SH3GL2: variants seen among roughly 807,000 people sequenced by gnomAD.
SH3GL2 encodes SH3 domain containing GRB2 like 2, endophilin A1.
In SH3GL2, 24 loss-of-function variants were observed where a neutral mutation model predicts 46.0. The observed-to-expected ratio is 0.52, with a 90% CI of 0.38 to 0.73. The LOEUF (loss-of-function observed/expected upper bound fraction) is 0.73, where lower values mean the gene tolerates loss of function less well. Ranked by LOEUF, SH3GL2 falls within the 30% of genes least tolerant of loss-of-function variation. The pLI is 0.00. For synonymous variants in SH3GL2, 196 were observed against 147.1 expected, an observed-to-expected ratio of 1.33 and a Z score of -2.40; for missense variants, 413 against 424.2, an observed-to-expected ratio of 0.97 and a Z score of 0.23.
intron 1 of SH3GL2, among the ~76,000 whole-genome samples, chr9:17,631,341 C>T (rs1588188953): frequency 6.6e-6 from 1 of 152,068 alleles, no homozygotes; most frequent in South Asian, 2.1e-4. Flanking sequence ...AAATAAAAAC[C>T]ACAGTGTAGT....
In SH3GL2 at chr9:17,783,769, G is replaced by T. The variant is rs114537324; in HGVS notation, c.188-2612G>T. On this transcript the variant is annotated intron_variant, in intron 3 of 8. Coordinates refer to ENST00000380607, the MANE Select transcript of SH3GL2 (RefSeq NM_003026.5). The stretch of plus-strand genomic sequence containing the variant: ...ATTCACCCAATACATTTCCTTCTGG[G>T]AATCACCTAGAAGTAGATTCATGGG... 9.2e-3 allele frequency among the ~76,000 whole-genome samples: 1,404 copies of T among 152,156 alleles called. 18 individuals carry two copies. Among genetic ancestry groups the T allele is most frequent in the African/African-American group, 0.032 (1,344 of 41,504 alleles).
intron 2 of SH3GL2, chr9:17,755,662 G>A: frequency 3.5e-6 from 1 of 287,856 alleles, no homozygotes; most frequent in Non-Finnish European, 5.2e-6. Context: ...CCTTTAAGGT[G>A]TCTATGTTTT....
At position 17,597,696 on chromosome 9, in the gene SH3GL2, AGTTT is replaced by A. The variant is rs1223779497; in HGVS notation, c.45+18415_45+18418del. Among the ~76,000 whole-genome samples, 30 of 152,004 alleles carry A rather than the reference AGTTT, an allele frequency of 2.0e-4. 1 individual carries two copies. The highest frequency in any genetic ancestry group is 2.1e-4 in the South Asian group (1 of 4,824). On this transcript the variant is annotated intron_variant, in intron 1 of 8. Coordinates refer to ENST00000380607, the MANE Select transcript of SH3GL2 (RefSeq NM_003026.5). ...CACAACTTGTAGAAAGTGAGGTGTG[AGTTT>A]GTTTGATTTATATGTTTTTCTTATC...
intron 1 of SH3GL2, among the ~76,000 whole-genome samples, chr9:17,599,719 A>G (rs963552146): frequency 6.6e-6 from 1 of 152,282 alleles, no homozygotes; most frequent in African/African-American, 2.4e-5. Context: ...GCATGAACCC[A>G]TATGTAAAAT....
intron 1 of SH3GL2, among the ~76,000 whole-genome samples, chr9:17,735,397 C>T (rs1415901993): frequency 2.6e-5 from 4 of 152,046 alleles, no homozygotes; most frequent in Non-Finnish European, 5.9e-5. Context: ...TAAAATGCTC[C>T]CTATATATTT....
intron 1 of SH3GL2, among the ~76,000 whole-genome samples, chr9:17,742,239 G>A (rs1356333838): frequency 6.6e-6 from 1 of 152,166 alleles, no homozygotes; most frequent in Non-Finnish European, 1.5e-5. Flanking sequence ...ATGCTGGGAA[G>A]AATCAGAGCC....
chr9:17,782,693 C>T (rs1214185690), intron 3 of SH3GL2, among the ~76,000 whole-genome samples: 2 of 152,068 alleles, frequency 1.3e-5, no homozygotes, highest in African/African-American at 4.8e-5. Context: ...AGTGGGCGGT[C>T]ATGGTACTTC....
chr9:17,639,477 G>A (rs980085972), intron 1 of SH3GL2, among the ~76,000 whole-genome samples: 2 of 152,168 alleles, frequency 1.3e-5, no homozygotes, highest in Non-Finnish European at 2.9e-5. Flanking sequence ...GCCACAATGC[G>A]ATACAACTGT....
At chr9:17,590,689 A>G (rs749143913) in intron 1 of SH3GL2, 6 of 152,252 alleles carry the variant, frequency 3.9e-5, no homozygotes, top group Non-Finnish European at 7.3e-5. Flanking sequence ...CCTAGCTCCA[A>G]GAAAAGCTGG....
At chr9:17,651,539 TA>T (rs1249914510) in intron 1 of SH3GL2, among the ~76,000 whole-genome samples, 1 of 152,226 alleles carries the variant, frequency 6.6e-6, no homozygotes, top group African/African-American at 2.4e-5. Context: ...ATATTGGTTT[TA>T]TATTTGACAG....
chr9:17,633,249 G>C (rs924219765), intron 1 of SH3GL2, among the ~76,000 whole-genome samples: 2 of 152,148 alleles, frequency 1.3e-5, no homozygotes, highest in Admixed American at 6.5e-5. Flanking sequence ...TGATGAGTGT[G>C]GGTACCTGCC....
At chr9:17,637,995 A>C (rs541459375) in intron 1 of SH3GL2, among the ~76,000 whole-genome samples, 7 of 152,116 alleles carry the variant, frequency 4.6e-5, no homozygotes, top group African/African-American at 1.4e-4. Context: ...TCTCTACTAA[A>C]AATACAGAAA....
chr9:17,779,687 G>C, intron 3 of SH3GL2, among the ~76,000 whole-genome samples: 1 of 152,042 alleles, frequency 6.6e-6, no homozygotes, highest in East Asian at 1.9e-4. Context: ...TCTTCATTTG[G>C]GGGCAATTAT....
chr9:17,676,344 G>A (rs1332520201), intron 1 of SH3GL2, among the ~76,000 whole-genome samples: 1 of 152,124 alleles, frequency 6.6e-6, no homozygotes, highest in Non-Finnish European at 1.5e-5. Flanking sequence ...GGTGGCTCAC[G>A]CATGTAATCC....
At chr9:17,730,875 A>G (rs548027502) in intron 1 of SH3GL2, among the ~76,000 whole-genome samples, 1 of 152,268 alleles carries the variant, frequency 6.6e-6, no homozygotes, top group South Asian at 2.1e-4. Context: ...GAAGATTTCA[A>G]TATGCTGTGT....
At chr9:17,789,357 C>G (rs767973325) in intron 5 of SH3GL2, 35 bp from the exon 6 acceptor site, 6 of 1,597,324 alleles carry the variant, frequency 3.8e-6, no homozygotes, top group South Asian at 1.1e-5. Flanking sequence ...TCCATAAGCC[C>G]TTTCAAAGCC....
chr9:17,777,365 T>C (rs1318238881), intron 3 of SH3GL2, among the ~76,000 whole-genome samples: 1 of 152,150 alleles, frequency 6.6e-6, no homozygotes, highest in East Asian at 1.9e-4. Flanking sequence ...AATATAGTAA[T>C]TCAGATAGTT....
chr9:17,619,085 G>C (rs770173963), intron 1 of SH3GL2, among the ~76,000 whole-genome samples: 1 of 152,166 alleles, frequency 6.6e-6, no homozygotes, highest in Non-Finnish European at 1.5e-5. Context: ...AGCACTTTAT[G>C]TGCAGTAACT....
chr9:17,655,119 A>G (rs954339172), intron 1 of SH3GL2, among the ~76,000 whole-genome samples: 2 of 152,214 alleles, frequency 1.3e-5, no homozygotes, highest in African/African-American at 4.8e-5. Flanking sequence ...CAGACACCTA[A>G]GGGCCTTAAG....
Sources: allele counts gnomAD v4.1 joint callset (sites outside exome capture counted in the v4.1 genomes callset), GRCh38; gene constraint gnomAD v4.1.1; transcripts MANE v1.5; gene names NCBI Gene and HGNC (gene_info 2026-07-23, HGNC 2026-07-21).